The following MUC4 variants were observed in gnomAD, a reference collection of about 807,000 sequenced individuals.
MUC4 encodes the protein mucin 4, cell surface associated, also known as mucin-4.
A neutral mutation model predicts 257.9 loss-of-function variants in MUC4; 202 were observed. The ratio of observed to expected loss-of-function variants is 0.78; its 90% CI spans 0.70 to 0.88. The LOEUF is 0.88. MUC4 is among the 40% of genes least tolerant of loss of function. The pLI is 0.00. For synonymous variants in MUC4, 2,351 were observed against 2,757.1 expected, an observed-to-expected ratio of 0.85 and a Z score of 4.62; for missense variants, 5,976 against 6,513.7, an observed-to-expected ratio of 0.92 and a Z score of 2.84.
At chr3:195,772,874 GCTCAGGGCTA>G (rs1723362811) in intron 4 of MUC4, among the ~76,000 whole-genome samples, 4 of 124,732 alleles carry the variant, frequency 3.2e-5, no homozygotes, top group South Asian at 2.6e-4. Flanking sequence ...GCTCAGGGGT[GCTCAGGGCTA>G]TAGACACCCT....
At position 195,788,277 on chromosome 3, in the gene MUC4, G is replaced by T. The variant is rs1404670063; in HGVS notation, c.3303C>A (p.His1101Gln). 6.5e-7 allele frequency: 1 copy of T among 1,544,848 alleles called. No individual in the cohort carries two copies. Among genetic ancestry groups the T allele is most frequent in the East Asian group, 2.5e-5 (1 of 40,690 alleles). The change falls in exon 2 of 25, where the codon CAC (histidine) becomes CAA (glutamine). Residue 1101 changes from histidine (H) to glutamine (Q), a missense_variant. Around this residue, in one of 44 missense-constraint regions of MUC4, gnomAD observed 68 missense variants for 90.4 expected, o/e 0.75. Transcript: ENST00000463781. ...TGTCGGTGACAGGAAGAGAGGTGGC[G>T]TGACCTGTGGATGCTGAGGAAGTGT... is the stretch of plus-strand genomic sequence containing the variant. The part of the protein sequence containing the change: ...VTDTSSASTG[H>Q]ATSLPVTDTS...
At position 195,788,705 on chromosome 3, in the gene MUC4, G is replaced by A; in HGVS notation, c.2875C>T (p.Pro959Ser). ...GTGAAGGTTTTACCAGACCCTGAAG[G>A]TGACAGAGTGTGGGTCTCGGTTTGT... ...SPQTETHTLSPSGSGKTFTTA... is the reference protein window; with the variant it reads ...SPQTETHTLSSSGSGKTFTTA... Residue 959 changes from proline to serine, a missense_variant, in exon 2 of 25, where the codon CCT becomes TCT. Physicochemically the swap from Pro to Ser is moderately conservative, Grantham distance 74 (BLOSUM62 -1). Around this residue, in one of 44 missense-constraint regions of MUC4, gnomAD observed 1,583 missense variants for 1,257.4 expected, o/e 1.26. Transcript: ENST00000463781. 6.2e-7 allele frequency: 1 copy of A among 1,611,418 alleles called. No homozygotes were observed. The highest frequency in any genetic ancestry group is 1.1e-5 in the South Asian group (1 of 91,030).
At chr3:195,795,193 A>C (rs1238016860) in intron 1 of MUC4, among the ~76,000 whole-genome samples, 1 of 152,166 alleles carries the variant, frequency 6.6e-6, no homozygotes, top group Non-Finnish European at 1.5e-5. Flanking sequence ...CATAATTAAG[A>C]GCATTTGTCT....
At position 195,757,622 on chromosome 3, in the gene MUC4, A is replaced by G. The variant is rs1229037209; in HGVS notation, c.14987-294T>C. Among the ~76,000 whole-genome samples, 2 of 152,136 alleles carry G rather than the reference A, an allele frequency of 1.3e-5. No homozygotes were observed. The highest frequency in any genetic ancestry group is 1.3e-4 in the Admixed American group (2 of 15,276). On this transcript the variant is annotated intron_variant, in intron 17 of 24. Coordinates refer to ENST00000463781, the MANE Select transcript of MUC4 (RefSeq NM_018406.7). The surrounding 1 kb of genome is among the most constrained non-coding windows in gnomAD (Gnocchi z 4.8). ...GGGCAGCCCTGGCTGGGCTCACACCAGGATGGGACATCCTGGGGGATGGAG... is the reference window on the plus strand; with the variant it reads ...GGGCAGCCCTGGCTGGGCTCACACCGGGATGGGACATCCTGGGGGATGGAG...
At chr3:195,754,803 C>T (rs1717210462) in intron 18 of MUC4, among the ~76,000 whole-genome samples, 1 of 151,430 alleles carries the variant, frequency 6.6e-6, no homozygotes, top group African/African-American at 2.4e-5. Flanking sequence ...TGCATGTATG[C>T]ATGTATGTAT....
Position 195,779,114 on chromosome 3 carries a change from C to A in MUC4, c.12466G>T (p.Gly4156Cys). Residue 4156 changes from glycine to cysteine, a missense_variant, in exon 2 of 25, where the codon GGT becomes TGT. Around this residue, in one of 44 missense-constraint regions of MUC4, gnomAD observed 293 missense variants for 294.5 expected, o/e 1.00. Coordinates refer to ENST00000463781, the MANE Select transcript of MUC4 (RefSeq NM_018406.7). Reference sequence around the variant, plus strand: ...GTGACAGGAAGAGAGGTGGTGTGACCTGAGGATGCTGAGGAAGGGATGGTG... The same window carrying A: ...GTGACAGGAAGAGAGGTGGTGTGACATGAGGATGCTGAGGAAGGGATGGTG... ...PVTIPSSASS[G>C]HTTSLPVTDA... 1 of 1,514,452 alleles carries A rather than the reference C, an allele frequency of 6.6e-7. No individual in the cohort carries two copies. Among genetic ancestry groups the A allele is most frequent in the Non-Finnish European group, 8.9e-7 (1 of 1,127,290 alleles). 93.8% of individuals were successfully genotyped at this position (1,514,452 alleles called of 1,614,324 possible).
At chr3:195,797,523 C>T (rs895075390) in intron 1 of MUC4, among the ~76,000 whole-genome samples, 3 of 152,070 alleles carry the variant, frequency 2.0e-5, no homozygotes, top group Non-Finnish European at 4.4e-5. Flanking sequence ...AATTATAACC[C>T]CGTGTAAACA....
rs772487998 is a variant in MUC4, at chr3:195,757,130, C to G, written c.15168+17G>C. ...CCCCTCGGCACAGAAACTCCTCCCC[C>G]ACCTCCCAACACTCACCTCCAGGGA... On this transcript the variant is annotated intron_variant, in intron 18 of 24. Coordinates refer to ENST00000463781, the MANE Select transcript of MUC4 (RefSeq NM_018406.7). This position sits in a 1 kb window ranked among gnomAD's most constrained non-coding sequence, Gnocchi z 4.8. 3.2e-6 allele frequency: 5 copies of G among 1,580,126 alleles called. No homozygotes were observed. The highest frequency in any genetic ancestry group is 3.5e-6 in the Non-Finnish European group (4 of 1,154,616).
chr3:195,800,467 A>G (rs1258525260), intron 1 of MUC4, among the ~76,000 whole-genome samples: 1 of 152,122 alleles, frequency 6.6e-6, no homozygotes, highest in Non-Finnish European at 1.5e-5. Flanking sequence ...CGCTGTCAAA[A>G]TCTCTCAATC....
At chr3:195,750,385 G>C (rs939857970) in intron 23 of MUC4, 1 of 118,440 alleles carries the variant, frequency 8.4e-6, no homozygotes, top group Admixed American at 8.1e-5. Context: ...GTGCTGGGGG[G>C]TGTTGAGGCC....
Position 195,752,408 on chromosome 3 carries a change from C to T in MUC4, c.15547G>A (p.Glu5183Lys). Residue 5183 changes from glutamate to lysine, a missense_variant, in exon 21 of 25, where the codon GAG becomes AAG. Coordinates refer to ENST00000463781, the MANE Select transcript of MUC4 (RefSeq NM_018406.7). ...LRVIQLLLSEEENASMAEVNA... is the reference protein window; with the variant it reads ...LRVIQLLLSEKENASMAEVNA... ...ACTTCTGCCATGGAGGCATTTTCCT[C>T]TTCACTGAGCAAGAGCTGGATGACT... The T allele has an allele frequency of 6.2e-7, 1 of 1,614,130 alleles. No individual in the cohort carries two copies. Among genetic ancestry groups the T allele is most frequent in the Non-Finnish European group, 8.5e-7 (1 of 1,179,914 alleles).
rs62282511 is a variant in MUC4, at chr3:195,809,015, G to A, written c.82+2721C>T. On this transcript the variant is annotated intron_variant, in intron 1 of 24. Transcript: ENST00000463781. ...TGTCACCTCCCTGGGGTCACTGATAGTGCTGGAGACCAAGGCCTATTTCGA... is the reference window on the plus strand; with the variant it reads ...TGTCACCTCCCTGGGGTCACTGATAATGCTGGAGACCAAGGCCTATTTCGA... Among the ~76,000 whole-genome samples, 517 of 152,324 alleles carry A rather than the reference G, an allele frequency of 3.4e-3. 4 individuals are homozygous for A. The highest frequency in any genetic ancestry group is 5.6e-3 in the Non-Finnish European group (384 of 68,028).
chr3:195,790,387 G>A lies in MUC4; in HGVS notation c.1193C>T (p.Thr398Ile), dbSNP rs1106502. ...LVTSKVFRMP[T>I]SRDSTLGNTE... ...GTTTCCAAGAGTAGAGTCTCTGGAG[G>A]TTGGCATTCTGAACACCTTTGATGT... Residue 398 changes from threonine (T) to isoleucine (I), a missense_variant, in exon 2 of 25, where the codon ACC becomes ATC. Thr to Ile is a moderately conservative substitution (Grantham distance 89). Transcript: ENST00000463781. The A allele has an allele frequency of 0.81, 1,300,618 of 1,613,096 alleles. 526,924 individuals are homozygous for A. Among genetic ancestry groups the A allele is most frequent in the Non-Finnish European group, 0.82 (970,626 of 1,179,220 alleles).
At chr3:195,761,982 G>C (rs1260427243) in intron 14 of MUC4, 105 bp downstream of exon 14, 2 of 1,305,718 alleles carry the variant, frequency 1.5e-6, no homozygotes, top group Non-Finnish European at 2.1e-6. Context: ...GCTCCAAGGA[G>C]GCGGAGAAAG....
In MUC4 at chr3:195,788,806, G is replaced by A. The variant is rs77857169; in HGVS notation, c.2774C>T (p.Ala925Val). The change falls in exon 2 of 25, where the codon GCG becomes GTG. Residue 925 changes from alanine to valine, a missense_variant. Ala to Val is a moderately conservative substitution (Grantham distance 64, BLOSUM62 0). Around this residue, in one of 44 missense-constraint regions of MUC4, gnomAD observed 1,583 missense variants for 1,257.4 expected, o/e 1.26. Coordinates refer to ENST00000463781, the MANE Select transcript of MUC4 (RefSeq NM_018406.7). ...TGAGAAGGTGTCGGTTGCCTGGGAC[G>A]CCAGGCTGATAGTGTCAGACCCTCT... ...TSRGSDTISL[A>V]SQATDTFSTV... 397 of 1,613,906 alleles carry A rather than the reference G, an allele frequency of 2.5e-4. 7 individuals are homozygous for A. Among genetic ancestry groups the A allele is most frequent in the South Asian group, 1.1e-3 (101 of 91,082 alleles).
rs78565605 is a variant in MUC4 at position 195,782,194 on chromosome 3, G to T, written c.9386C>A (p.Ala3129Glu). Residue 3129 changes from alanine to glutamate, a missense_variant, in exon 2 of 25, where the codon GCA (alanine) becomes GAA (glutamate). Ala to Glu is a moderately radical substitution (Grantham distance 107). Around this residue, in one of 44 missense-constraint regions of MUC4, gnomAD observed 128 missense variants for 104.8 expected, o/e 1.22. Transcript: ENST00000463781. Reference protein sequence around the residue: ...TPLPVTDTSSASTGQATALPV... With the variant: ...TPLPVTDTSSESTGQATALPV... ...AAGAGCGGTGGCCTGACCTGTGGATGCTGAGGAAGTGTCGGTGACAGGAAG... is the reference window on the plus strand; with the variant it reads ...AAGAGCGGTGGCCTGACCTGTGGATTCTGAGGAAGTGTCGGTGACAGGAAG... The T allele has an allele frequency of 7.3e-7, 1 of 1,370,632 alleles. No homozygotes were observed. The highest frequency in any genetic ancestry group is 9.6e-7 in the Non-Finnish European group (1 of 1,043,542). The allele number at this position is 1,370,632 out of a possible 1,614,324, so 84.9% of individuals were successfully genotyped here. A position where few individuals can be genotyped will look rare whatever the true frequency, so the allele number is the denominator to read the frequency against.
chr3:195,803,260 T>C (rs779001811), intron 1 of MUC4, among the ~76,000 whole-genome samples: 7 of 152,174 alleles, frequency 4.6e-5, no homozygotes, highest in Non-Finnish European at 8.8e-5. Context: ...GAACAAGACA[T>C]GCGGACACAG....
chr3:195,778,007 A>G (rs1179841643), intron 3 of MUC4, among the ~76,000 whole-genome samples: 2 of 152,102 alleles, frequency 1.3e-5, no homozygotes, highest in African/African-American at 4.8e-5. Flanking sequence ...CCGGCTCTGC[A>G]TTCCTTAGGG....
At chr3:195,749,545 A>G (rs569597882) in intron 23 of MUC4, among the ~76,000 whole-genome samples, 461 of 151,808 alleles carry the variant, frequency 3.0e-3, no homozygotes, top group African/African-American at 0.01. Flanking sequence ...TTTAAATGAG[A>G]TAATGTGTCC....
Sources: gnomAD v4.1 joint callset for allele counts (sites outside exome capture counted in the v4.1 genomes callset) on GRCh38, gnomAD v4.1.1 for gene constraint, gnomAD v4.1.1 regional missense constraint, Gnocchi (gnomAD v3.1) non-coding constraint, MANE v1.5 for transcripts, NCBI Gene and HGNC (gene_info 2026-07-23, HGNC 2026-07-21) for gene names.